ASTN2: variants seen among roughly 807,000 people sequenced by gnomAD.
The protein encoded by ASTN2 is astrotactin-2.
ASTN2 carries 54 observed loss-of-function variants against 139.8 expected under a neutral mutation model. That is an observed-to-expected ratio of 0.39 (90% CI 0.31 to 0.48). ASTN2 has a LOEUF of 0.48. Ranked by LOEUF, ASTN2 falls within the 20% of genes least tolerant of loss-of-function variation. ASTN2 has a pLI of 0.95. For synonymous variants in ASTN2, 756 were observed against 719.5 expected (o/e 1.05, Z -0.81); for missense variants, 1,565 against 1,725.1 (o/e 0.91, Z 1.64).
intron 13 of ASTN2, among the ~76,000 whole-genome samples, chr9:116,767,511 G>C (rs997570216): frequency 6.6e-6 from 1 of 152,194 alleles, no homozygotes; most frequent in African/African-American, 2.4e-5. Context: ...ATTAGGAACG[G>C]AGGGAGCTGA....
At chr9:117,040,423 T>C (rs1838526612) in intron 5 of ASTN2, among the ~76,000 whole-genome samples, 1 of 152,208 alleles carries the variant, frequency 6.6e-6, no homozygotes, top group Non-Finnish European at 1.5e-5. Flanking sequence ...TCATTGGCTC[T>C]GTGATCTCCA....
intron 2 of ASTN2, among the ~76,000 whole-genome samples, chr9:117,269,664 C>T (rs911802627): frequency 3.9e-5 from 6 of 152,162 alleles, no homozygotes; most frequent in Non-Finnish European, 7.3e-5. Context: ...GGGCAAGGCC[C>T]CGTGCGAATC....
At chr9:117,063,577 T>G (rs1839358738) in intron 5 of ASTN2, among the ~76,000 whole-genome samples, 1 of 152,180 alleles carries the variant, frequency 6.6e-6, no homozygotes, top group Admixed American at 6.5e-5. Context: ...AAACCCTTTT[T>G]CCTGTATAAA....
chr9:116,587,669 A>G (rs1415765714), intron 19 of ASTN2, among the ~76,000 whole-genome samples: 1 of 152,166 alleles, frequency 6.6e-6, no homozygotes, highest in Non-Finnish European at 1.5e-5. Flanking sequence ...TTACATCCCA[A>G]CTGCACTTCT....
chr9:116,896,792 T>C (rs557775678), intron 10 of ASTN2, among the ~76,000 whole-genome samples: 9 of 152,268 alleles, frequency 5.9e-5, no homozygotes, highest in African/African-American at 2.2e-4. Flanking sequence ...TTAGATCTCA[T>C]GAGAACTCAC....
intron 7 of ASTN2, among the ~76,000 whole-genome samples, chr9:116,995,509 G>A (rs764076928): frequency 2.0e-5 from 3 of 152,164 alleles, no homozygotes; most frequent in Non-Finnish European, 2.9e-5. Flanking sequence ...TTGGGTATGA[G>A]GAAAAAGCAG....
At chr9:116,695,293 A>G (rs1265268673) in intron 16 of ASTN2, among the ~76,000 whole-genome samples, 3 of 152,224 alleles carry the variant, frequency 2.0e-5, no homozygotes, top group Non-Finnish European at 4.4e-5. Flanking sequence ...GAAGATTAAA[A>G]GAGATTAAGC....
At chr9:116,491,822 A>C (rs955561502) in intron 19 of ASTN2, among the ~76,000 whole-genome samples, 1 of 152,196 alleles carries the variant, frequency 6.6e-6, no homozygotes, top group Non-Finnish European at 1.5e-5. Context: ...CAACCATACA[A>C]TTGAATGAGC....
intron 5 of ASTN2, among the ~76,000 whole-genome samples, chr9:117,050,396 A>G (rs1272484080): frequency 2.0e-5 from 3 of 152,044 alleles, no homozygotes. Flanking sequence ...TTTAGTATTT[A>G]CTAGGCCTCC....
At chr9:117,299,677 A>G (rs1409952896) in intron 1 of ASTN2, among the ~76,000 whole-genome samples, 1 of 152,188 alleles carries the variant, frequency 6.6e-6, no homozygotes, top group African/African-American at 2.4e-5. Flanking sequence ...GCAGAATAAT[A>G]CAAGTGCCAG....
chr9:116,882,481 G>A (rs1230348585), intron 10 of ASTN2, among the ~76,000 whole-genome samples: 1 of 152,142 alleles, frequency 6.6e-6, no homozygotes, highest in Non-Finnish European at 1.5e-5. Flanking sequence ...AGGCAGAAAA[G>A]GAGGAGGAGG....
chr9:117,047,774 C>A (rs1344252275), intron 5 of ASTN2, among the ~76,000 whole-genome samples: 1 of 152,030 alleles, frequency 6.6e-6, no homozygotes, highest in Non-Finnish European at 1.5e-5. Context: ...ATTTTGAGTC[C>A]TTTTATTGTA....
intron 17 of ASTN2, among the ~76,000 whole-genome samples, chr9:116,632,633 C>A (rs1249282225): frequency 6.6e-6 from 1 of 152,182 alleles, no homozygotes; most frequent in Non-Finnish European, 1.5e-5. Flanking sequence ...ACCAGGGAGG[C>A]AACAAACTTT....
At chr9:117,131,680 C>T (rs1429268525) in intron 4 of ASTN2, among the ~76,000 whole-genome samples, 2 of 152,212 alleles carry the variant, frequency 1.3e-5, no homozygotes, top group Non-Finnish European at 2.9e-5. Context: ...ATTATCTTAA[C>T]TCAAGCATTT....
At chr9:116,687,349 G>C (rs1359235368) in intron 16 of ASTN2, 3 of 823,720 alleles carry the variant, frequency 3.6e-6, no homozygotes, top group Non-Finnish European at 2.9e-6. Context: ...GTGGGCTGCC[G>C]GCGGTGGACT....
rs542012168 is a variant in ASTN2 at position 116,648,094 on chromosome 9, C to A, written c.3072+3434G>T. Among the ~76,000 whole-genome samples, 3 of 151,604 alleles carry A rather than the reference C, an allele frequency of 2.0e-5. No individual in the cohort carries two copies. The East Asian group carries it at 5.8e-4, about 30-fold the overall frequency. Reference sequence around the variant, plus strand: ...TTGGCTCACTGGAACCACTGCCTCTCGGGTTCAAGCGATTCTCCTGCCTCA... The same window carrying A: ...TTGGCTCACTGGAACCACTGCCTCTAGGGTTCAAGCGATTCTCCTGCCTCA... On this transcript the variant is annotated intron_variant, in intron 17 of 22. Transcript: ENST00000313400.
chr9:117,288,214 A>G (rs1312995665), intron 2 of ASTN2, among the ~76,000 whole-genome samples: 1 of 152,168 alleles, frequency 6.6e-6, no homozygotes, highest in Admixed American at 6.5e-5. Flanking sequence ...TGTGATATTA[A>G]TATTCAGATG....
rs1564168716 is a variant in ASTN2 at position 116,632,173 on chromosome 9, A to G, written c.3073-11730T>C. On this transcript the variant is annotated intron_variant, in intron 17 of 22. Transcript: ENST00000313400. ...GAGAGAGAGACAGAGAGAGAGAGAG[A>G]GAGAGAGAGAGGGAGAGAGAGAGAA... 3.1e-3 allele frequency among the ~76,000 whole-genome samples: 97 copies of G among 30,816 alleles called. 1 individual carries two copies. The East Asian group carries it at 0.051, about 16-fold the overall frequency. The allele number at this position is 30,816 out of a possible 152,430, so 20.2% of individuals were successfully genotyped here. A position where few individuals can be genotyped will look rare whatever the true frequency, so the allele number is the denominator to read the frequency against.
At chr9:117,368,891 C>T (rs938759128) in intron 1 of ASTN2, among the ~76,000 whole-genome samples, 23 of 152,260 alleles carry the variant, frequency 1.5e-4, no homozygotes, top group East Asian at 1.9e-4. Flanking sequence ...GCTTAAGGAA[C>T]GCCCTGAACC....
Sources: gnomAD v4.1 joint callset for allele counts (sites outside exome capture counted in the v4.1 genomes callset) on GRCh38, gnomAD v4.1.1 for gene constraint, MANE v1.5 for transcripts, NCBI Gene and HGNC (gene_info 2026-07-23, HGNC 2026-07-21) for gene names.